The following CTNNA3 variants were observed in gnomAD, a reference collection of about 807,000 sequenced individuals.
The protein encoded by CTNNA3 is catenin alpha-3.
A neutral mutation model predicts 95.7 loss-of-function variants in CTNNA3; 76 were observed. The ratio of observed to expected loss-of-function variants is 0.79; its 90% CI spans 0.66 to 0.96. The LOEUF is 0.96. Ranked by LOEUF, CTNNA3 falls within the 40% of genes least tolerant of loss-of-function variation. The probability of loss-of-function intolerance (pLI) is 0.00; values close to 1 mark genes in which losing one functional copy is unlikely to be tolerated. For missense variants in CTNNA3, 1,191 were observed against 1,089.8 expected, an observed-to-expected ratio of 1.09 and a Z score of -1.31; for synonymous variants, 431 against 374.4, an observed-to-expected ratio of 1.15 and a Z score of -1.74.
intron 5 of CTNNA3, among the ~76,000 whole-genome samples, chr10:67,324,701 CTT>C (rs77397580): frequency 1.7e-4 from 24 of 141,762 alleles, no homozygotes; most frequent in Non-Finnish European, 1.6e-4. Context: ...AAATTTTCTC[CTT>C]TTTTTTTTTT....
rs145128360 is a variant in CTNNA3 at position 65,962,355 on chromosome 10, C to T, written c.2400+4257G>A. On this transcript the variant is annotated intron_variant, in intron 17 of 17. Coordinates refer to ENST00000433211, the MANE Select transcript of CTNNA3 (RefSeq NM_013266.4). ...CCTTCTATATACACTGTTTAGTTAACGATGCCATTGTTGACTAAGTAAACT... is the reference window on the plus strand; with the variant it reads ...CCTTCTATATACACTGTTTAGTTAATGATGCCATTGTTGACTAAGTAAACT... Among the ~76,000 whole-genome samples the T allele has an allele frequency of 9.9e-5, 15 of 152,152 alleles. No homozygotes were observed. The East Asian group carries it at 2.5e-3, about 26-fold the overall frequency.
chr10:67,689,284 G>C (rs1205738825), intron 1 of CTNNA3, among the ~76,000 whole-genome samples: 2 of 152,158 alleles, frequency 1.3e-5, no homozygotes, highest in Non-Finnish European at 2.9e-5. Context: ...TTCAGGAATA[G>C]CTTTTGTTAG....
At position 66,904,609 on chromosome 10, in the gene CTNNA3, A is replaced by G. The variant is rs375565173; in HGVS notation, c.1048-129085T>C. 1.9e-4 allele frequency among the ~76,000 whole-genome samples: 29 copies of G among 152,324 alleles called. 3 individuals carry two copies. Among genetic ancestry groups the G allele is most frequent in the Admixed American group, 1.3e-3 (20 of 15,302 alleles). On this transcript the variant is annotated intron_variant, in intron 7 of 17. Transcript: ENST00000433211. ...TACAGAATGGGAGAAAAATTTTACA[A>G]TCTACCCATCTGACAAAGGGCTTAT...
chr10:67,470,865 T>C (rs1474930648), intron 5 of CTNNA3, among the ~76,000 whole-genome samples: 1 of 152,156 alleles, frequency 6.6e-6, no homozygotes, highest in Non-Finnish European at 1.5e-5. Flanking sequence ...ACTGCAGTCT[T>C]GACCTCCCAG....
chr10:67,461,931 T>C (rs565233199), intron 5 of CTNNA3, among the ~76,000 whole-genome samples: 1 of 152,320 alleles, frequency 6.6e-6, no homozygotes, highest in Admixed American at 6.5e-5. Context: ...GAAATCTAGA[T>C]GGCCATCAAT....
chr10:67,455,368 G>A (rs565251424), intron 5 of CTNNA3, among the ~76,000 whole-genome samples: 1 of 152,042 alleles, frequency 6.6e-6, no homozygotes, highest in African/African-American at 2.4e-5. Context: ...CCAATTGTTG[G>A]GATACCGAAG....
intron 7 of CTNNA3, among the ~76,000 whole-genome samples, chr10:67,112,229 T>A (rs1215596469): frequency 2.0e-5 from 3 of 152,204 alleles, no homozygotes; most frequent in African/African-American, 7.2e-5. Context: ...TAAAATCATA[T>A]GCTTCCATTA....
chr10:66,059,337 G>T (rs1294258666), intron 15 of CTNNA3, among the ~76,000 whole-genome samples: 1 of 151,980 alleles, frequency 6.6e-6, no homozygotes, highest in African/African-American at 2.4e-5. Flanking sequence ...GATAATGAAG[G>T]TCCTTTCCGT....
intron 7 of CTNNA3, among the ~76,000 whole-genome samples, chr10:66,922,586 G>A (rs143502330): frequency 7.6e-4 from 115 of 152,222 alleles, no homozygotes; most frequent in African/African-American, 2.4e-3. Context: ...TTGTGATGCC[G>A]ACTTAAGGGG....
intron 16 of CTNNA3, among the ~76,000 whole-genome samples, chr10:65,976,729 C>T (rs967462856): frequency 1.3e-5 from 2 of 152,224 alleles, no homozygotes; most frequent in East Asian, 1.9e-4. Flanking sequence ...ATGCCTCATT[C>T]CTACTTTAAG....
chr10:67,261,612 T>C (rs1866610837), intron 5 of CTNNA3, among the ~76,000 whole-genome samples: 1 of 152,228 alleles, frequency 6.6e-6, no homozygotes, highest in South Asian at 2.1e-4. Flanking sequence ...ACCAGATTTA[T>C]GAATATAGAG....
intron 10 of CTNNA3, among the ~76,000 whole-genome samples, chr10:66,567,297 A>G (rs1842742307): frequency 6.6e-6 from 1 of 152,062 alleles, no homozygotes; most frequent in African/African-American, 2.4e-5. Flanking sequence ...CATTCTCCAG[A>G]AACTAAGAGC....
chr10:66,808,018 T>G (rs1278119002), intron 7 of CTNNA3, among the ~76,000 whole-genome samples: 1 of 152,130 alleles, frequency 6.6e-6, no homozygotes, highest in African/African-American at 2.4e-5. Flanking sequence ...GGAGTTCTCA[T>G]GATAAGCCAC....
chr10:67,452,624 C>T (rs1359006281), intron 5 of CTNNA3, among the ~76,000 whole-genome samples: 3 of 152,224 alleles, frequency 2.0e-5, no homozygotes, highest in East Asian at 1.9e-4. Context: ...CCTCCAAAAA[C>T]AAGAGTGCTT....
intron 13 of CTNNA3, among the ~76,000 whole-genome samples, chr10:66,109,150 C>T (rs576756847): frequency 1.3e-5 from 2 of 152,092 alleles, no homozygotes; most frequent in African/African-American, 4.8e-5. Context: ...ACCATAGCCC[C>T]GTGCCACAAA....
chr10:66,869,677 T>G (rs552605609), intron 7 of CTNNA3, among the ~76,000 whole-genome samples: 1 of 152,058 alleles, frequency 6.6e-6, no homozygotes, highest in South Asian at 2.1e-4. Flanking sequence ...GGAGATTATT[T>G]GGGGCATGAA....
intron 5 of CTNNA3, among the ~76,000 whole-genome samples, chr10:67,307,823 G>A (rs1840619824): frequency 6.6e-6 from 1 of 152,110 alleles, no homozygotes; most frequent in Non-Finnish European, 1.5e-5. Context: ...TACAATGGGT[G>A]GAAGTGGTAA....
intron 7 of CTNNA3, among the ~76,000 whole-genome samples, chr10:66,798,158 A>T (rs904712178): frequency 6.6e-6 from 1 of 151,850 alleles, no homozygotes; most frequent in African/African-American, 2.4e-5. Flanking sequence ...TTCAATGAAG[A>T]TCAAAAGCTT....
chr10:66,960,961 T>C (rs1849077380), intron 7 of CTNNA3, among the ~76,000 whole-genome samples: 1 of 152,170 alleles, frequency 6.6e-6, no homozygotes, highest in Admixed American at 6.6e-5. Context: ...AGGGATCCTT[T>C]CTGAGAACAA....
Sources: allele counts gnomAD v4.1 joint callset (sites outside exome capture counted in the v4.1 genomes callset), GRCh38; gene constraint gnomAD v4.1.1; transcripts MANE v1.5; gene names NCBI Gene and HGNC (gene_info 2026-07-23, HGNC 2026-07-21).